SYCE3: variants seen among roughly 807,000 people sequenced by gnomAD.
The protein encoded by SYCE3 is synaptonemal complex central element protein 3.
SYCE3 carries 3 observed loss-of-function variants against 8.1 expected under a neutral mutation model. That is an observed-to-expected ratio of 0.37 (90% CI 0.17 to 0.96). The LOEUF is 0.96. Ranked by LOEUF, SYCE3 falls within the 40% of genes least tolerant of loss-of-function variation. The probability of loss-of-function intolerance (pLI) is 0.41; values close to 1 mark genes in which losing one functional copy is unlikely to be tolerated. For synonymous variants in SYCE3, 36 were observed against 38.7 expected (o/e 0.93, Z 0.26); for missense variants, 83 against 110.0 (o/e 0.75, Z 1.10).
At chr22:50,559,701 C>A (rs1366271908) in intron 1 of SYCE3, among the ~76,000 whole-genome samples, 5 of 151,970 alleles carry the variant, frequency 3.3e-5, no homozygotes, top group Non-Finnish European at 5.9e-5. Flanking sequence ...AAGGCAGAGG[C>A]GGGGGATCAC....
At chr22:50,553,573 C>G (rs2069830833) in intron 2 of SYCE3, among the ~76,000 whole-genome samples, 1 of 152,092 alleles carries the variant, frequency 6.6e-6, no homozygotes, top group South Asian at 2.1e-4. Flanking sequence ...TACAAACACC[C>G]TCCCTCTATG....
chr22:50,558,675 A>G (rs995365021), intron 1 of SYCE3, among the ~76,000 whole-genome samples: 1 of 152,176 alleles, frequency 6.6e-6, no homozygotes, highest in African/African-American at 2.4e-5. Context: ...ATAGTTTGCT[A>G]AGAGTAAGTG....
rs143426581 is a variant in SYCE3, at chr22:50,551,995, C to T, written c.110-593G>A. ...TTGCTCTTTCCCTCTGACAGCAACTCGAAGGTAGCATTCCCTGGGCCTATA... is the reference window on the plus strand; with the variant it reads ...TTGCTCTTTCCCTCTGACAGCAACTTGAAGGTAGCATTCCCTGGGCCTATA... On this transcript the variant is annotated intron_variant, in intron 2 of 2. Transcript: ENST00000406915. 2.2e-3 allele frequency among the ~76,000 whole-genome samples: 334 copies of T among 152,304 alleles called. 4 individuals carry two copies. Among genetic ancestry groups the T allele is most frequent in the African/African-American group, 7.8e-3 (324 of 41,554 alleles).
chr22:50,562,068 TG>T (rs1166846298), intron 1 of SYCE3, among the ~76,000 whole-genome samples: 3 of 25,064 alleles, frequency 1.2e-4, no homozygotes, highest in Non-Finnish European at 2.3e-4. Flanking sequence ...GGATGTAAGG[TG>T]GGGAGAGTGG....
rs1453443667 is a variant in SYCE3 at position 50,551,396 on chromosome 22, G to T, written c.116C>A (p.Ala39Glu). 1.3e-6 allele frequency: 2 copies of T among 1,549,086 alleles called. No homozygotes were observed. Among genetic ancestry groups the T allele is most frequent in the Non-Finnish European group, 1.7e-6 (2 of 1,146,618 alleles). ...CACCATGTCATAGGCCATCCAGGTC[G>T]CCTGCACTGCAACAAGCAGACAGGA... ...LEEMEKISVQ[A>E]TWMAYDMVVM... The change falls in exon 3 of 3, where the codon GCG (alanine) becomes GAG (glutamate). Residue 39 changes from alanine (A) to glutamate (E), a missense_variant. Transcript: ENST00000406915.
chr22:50,553,677 G>A (rs2069831745), intron 2 of SYCE3, among the ~76,000 whole-genome samples: 1 of 152,042 alleles, frequency 6.6e-6, no homozygotes, highest in Non-Finnish European at 1.5e-5. Context: ...CCGTCTCCTG[G>A]GTTCAAGTGA....
intron 1 of SYCE3, among the ~76,000 whole-genome samples, chr22:50,557,656 C>T (rs1306467648): frequency 6.6e-6 from 1 of 152,126 alleles, no homozygotes; most frequent in African/African-American, 2.4e-5. Flanking sequence ...TATTAATATA[C>T]ATTAATTCAT....
At chr22:50,558,882 C>T (rs1172950748) in intron 1 of SYCE3, among the ~76,000 whole-genome samples, 2 of 152,232 alleles carry the variant, frequency 1.3e-5, no homozygotes, top group Admixed American at 1.3e-4. Context: ...ACAATGCTCT[C>T]ACCAAAGTCA....
At position 50,556,393 on chromosome 22, in the gene SYCE3, C is replaced by T; in HGVS notation, c.13G>A (p.Asp5Asn). The T allele has an allele frequency of 6.4e-7, 1 of 1,551,488 alleles. No individual in the cohort carries two copies. Among genetic ancestry groups the T allele is most frequent in the South Asian group, 1.2e-5 (1 of 84,048 alleles). Residue 5 changes from aspartate to asparagine, a missense_variant, in exon 2 of 3, where the codon GAC becomes AAC. Asp to Asn is a conservative substitution (Grantham distance 23). Transcript: ENST00000406915. MDDA[D>N]PEERNYDNML... ...TTGTCATAGTTTCTTTCCTCAGGGT[C>T]AGCATCATCCATCTAGGCAATGCAC...
At chr22:50,561,883 G>T (rs1821314541) in intron 1 of SYCE3, among the ~76,000 whole-genome samples, 1 of 148,906 alleles carries the variant, frequency 6.7e-6, no homozygotes, top group African/African-American at 2.5e-5. Flanking sequence ...GGTGCGTGTG[G>T]GAACTTGGGG....
At chr22:50,558,431 C>CAAA (rs527456795) in intron 1 of SYCE3, among the ~76,000 whole-genome samples, 1 of 140,076 alleles carries the variant, frequency 7.1e-6, no homozygotes, top group African/African-American at 2.6e-5. Flanking sequence ...AACTTCATCT[C>CAAA]AAAAAAAAAA....
chr22:50,551,457 G>A (rs754166962), intron 2 of SYCE3, 55 bp from the exon 3 acceptor site: 2 of 1,514,402 alleles, frequency 1.3e-6, no homozygotes, highest in South Asian at 2.4e-5. Flanking sequence ...CAGCTCTGGG[G>A]TGCCCCAGAA....
chr22:50,560,608 G>T (rs934306386), intron 1 of SYCE3, among the ~76,000 whole-genome samples: 2 of 152,188 alleles, frequency 1.3e-5, no homozygotes, highest in Non-Finnish European at 2.9e-5. Context: ...TGTGTGTACA[G>T]ATTTAGATGG....
chr22:50,552,118 C>G (rs2069815089), intron 2 of SYCE3, among the ~76,000 whole-genome samples: 1 of 152,228 alleles, frequency 6.6e-6, no homozygotes, highest in African/African-American at 2.4e-5. Context: ...TGTGGTTCAG[C>G]CCTCTGCAAC....
At chr22:50,551,490 C>A in intron 2 of SYCE3, 88 bp from the exon 3 acceptor site, 1 of 1,398,458 alleles carries the variant, frequency 7.2e-7, no homozygotes. Context: ...TCCAGCTGGG[C>A]TCAGCATCTG....
chr22:50,551,306 C>T lies in SYCE3; in HGVS notation c.206G>A (p.Cys69Tyr). 1.3e-6 allele frequency: 2 copies of T among 1,551,332 alleles called. No homozygotes were observed. Among genetic ancestry groups the T allele is most frequent in the Non-Finnish European group, 1.7e-6 (2 of 1,146,970 alleles). ...CCAGTTCTTCTCCATCTCCTCCTTG[C>T]AGTTGACGAAGGCATCCTCCAGCCG... ...MRRLEDAFVN[C>Y]KEEMEKNWQE... The change falls in exon 3 of 3, where the codon TGC (cysteine) becomes TAC (tyrosine). Residue 69 changes from cysteine to tyrosine, a missense_variant. Physicochemically the swap from Cys to Tyr is radical, Grantham distance 194. Coordinates refer to ENST00000406915, the MANE Select transcript of SYCE3 (RefSeq NM_001123225.3).
At chr22:50,553,948 C>T (rs957875879) in intron 2 of SYCE3, among the ~76,000 whole-genome samples, 4 of 152,028 alleles carry the variant, frequency 2.6e-5, no homozygotes, top group Admixed American at 2.0e-4. Flanking sequence ...AATCCCAGCA[C>T]TTCGGGAGGC....
chr22:50,560,861 G>A (rs930603999), intron 1 of SYCE3, among the ~76,000 whole-genome samples: 10 of 152,162 alleles, frequency 6.6e-5, no homozygotes, highest in African/African-American at 2.4e-4. Context: ...AGAGGTCAAG[G>A]TAGGATGGCA....
intron 1 of SYCE3, among the ~76,000 whole-genome samples, chr22:50,558,171 C>G (rs909616654): frequency 1.3e-5 from 2 of 152,202 alleles, no homozygotes; most frequent in Non-Finnish European, 2.9e-5. Flanking sequence ...TGCCTGTAAT[C>G]CCAACACTTT....
Sources: gnomAD v4.1 joint callset for allele counts (sites outside exome capture counted in the v4.1 genomes callset) on GRCh38, gnomAD v4.1.1 for gene constraint, MANE v1.5 for transcripts, NCBI Gene and HGNC (gene_info 2026-07-23, HGNC 2026-07-21) for gene names.